Variants in HS2ST1 observed in about 807,000 individuals in gnomAD.
HS2ST1 encodes the protein 2-O-sulfotransferase.
In HS2ST1, 18 loss-of-function variants were observed where a neutral mutation model predicts 42.9. The observed-to-expected ratio is 0.42, with a 90% CI of 0.29 to 0.62. The LOEUF (loss-of-function observed/expected upper bound fraction) is 0.62, where lower values mean the gene tolerates loss of function less well. HS2ST1 is among the 20% of genes least tolerant of loss of function. The pLI is 0.21. For missense variants in HS2ST1, 334 were observed against 433.8 expected (o/e 0.77, Z 2.04); for synonymous variants, 146 against 152.9 (o/e 0.95, Z 0.33).
intron 1 of HS2ST1, among the ~76,000 whole-genome samples, chr1:86,940,986 CAAAA>C (rs1309483331): frequency 6.6e-6 from 1 of 151,414 alleles, no homozygotes; most frequent in Admixed American, 6.6e-5. Flanking sequence ...GACCCTGTCT[CAAAA>C]AAAGAAAAAA....
intron 1 of HS2ST1, among the ~76,000 whole-genome samples, chr1:87,036,888 C>T (rs2100600685): frequency 6.6e-6 from 1 of 152,234 alleles, no homozygotes; most frequent in East Asian, 1.9e-4. Flanking sequence ...GAGAGATTGT[C>T]ATCAACATGG....
chr1:86,949,703 C>T (rs940366104), intron 1 of HS2ST1, among the ~76,000 whole-genome samples: 9 of 152,226 alleles, frequency 5.9e-5, no homozygotes, highest in African/African-American at 1.9e-4. Flanking sequence ...CTCAAATAGC[C>T]ATGTGTGGCT....
At chr1:87,060,460 A>G (rs191677837) in intron 1 of HS2ST1, among the ~76,000 whole-genome samples, 19 of 152,278 alleles carry the variant, frequency 1.2e-4, no homozygotes, top group Admixed American at 9.8e-4. Context: ...CTAGAGTCAC[A>G]TTGACCTGTA....
intron 1 of HS2ST1, among the ~76,000 whole-genome samples, chr1:86,943,144 G>A (rs1023357312): frequency 2.0e-5 from 3 of 152,120 alleles, no homozygotes; most frequent in African/African-American, 7.2e-5. Flanking sequence ...TTTAAGATTA[G>A]ATTCTCCTAA....
At chr1:87,044,166 TTAAA>T (rs1196137192) in intron 1 of HS2ST1, among the ~76,000 whole-genome samples, 4 of 152,140 alleles carry the variant, frequency 2.6e-5, no homozygotes, top group Non-Finnish European at 5.9e-5. Context: ...ATAAAAATCA[TTAAA>T]TAAATAGCAG....
intron 1 of HS2ST1, among the ~76,000 whole-genome samples, chr1:87,030,173 C>T (rs551585623): frequency 6.6e-6 from 1 of 152,242 alleles, no homozygotes; most frequent in South Asian, 2.1e-4. Context: ...GACTGTTTTA[C>T]CATGTGCGTT....
chr1:86,963,905 C>G (rs1647946914), intron 1 of HS2ST1, among the ~76,000 whole-genome samples: 1 of 150,736 alleles, frequency 6.6e-6, no homozygotes, highest in Non-Finnish European at 1.5e-5. Flanking sequence ...GGGGCTGCCC[C>G]CCACCTCCCG....
At position 87,066,768 on chromosome 1, in the gene HS2ST1, C is replaced by G. The variant is rs562603727; in HGVS notation, c.125-6166C>G. Among the ~76,000 whole-genome samples, 145 of 152,102 alleles carry G rather than the reference C, an allele frequency of 9.5e-4. 1 individual carries two copies. Among genetic ancestry groups the G allele is most frequent in the African/African-American group, 3.4e-3 (141 of 41,486 alleles). ...GCCCCAGTGTGTGATGTTCCCCTAC[C>G]TGTGTCCATGTGTTCTCATTGTTCA... On this transcript the variant is annotated intron_variant, in intron 1 of 6. Transcript: ENST00000370550.
At chr1:86,970,627 C>G (rs945340089) in intron 1 of HS2ST1, among the ~76,000 whole-genome samples, 1 of 152,114 alleles carries the variant, frequency 6.6e-6, no homozygotes, top group Admixed American at 6.5e-5. Context: ...CACCTGACCT[C>G]AAGTGATCCA....
chr1:86,998,703 C>T (rs767640409), intron 1 of HS2ST1, among the ~76,000 whole-genome samples: 9 of 152,098 alleles, frequency 5.9e-5, no homozygotes, highest in Non-Finnish European at 1.3e-4. Flanking sequence ...ATTTATCTTA[C>T]TTTTGCTGTG....
Position 86,983,021 on chromosome 1 carries a change from A to G in HS2ST1, c.124+67861A>G, listed in dbSNP as rs1276083831. ...CTGAGACCACCTCAGCCTGGACCCC[A>G]TTGTCCATATCACAATCAGCCTTTT... is the stretch of plus-strand genomic sequence containing the variant. On this transcript the variant is annotated intron_variant, in intron 1 of 6. Transcript: ENST00000370550. Among the ~76,000 whole-genome samples the G allele has an allele frequency of 2.0e-5, 3 of 152,130 alleles. No individual in the cohort carries two copies. In the East Asian group the frequency reaches 5.8e-4, roughly 29 times the overall value.
chr1:86,947,299 G>A (rs1647370294), intron 1 of HS2ST1, among the ~76,000 whole-genome samples: 2 of 152,142 alleles, frequency 1.3e-5, no homozygotes, highest in South Asian at 2.1e-4. Context: ...TCTCCTAATA[G>A]GCATTATATT....
chr1:87,024,707 G>A (rs1292690638), intron 1 of HS2ST1, among the ~76,000 whole-genome samples: 1 of 152,094 alleles, frequency 6.6e-6, no homozygotes, highest in Non-Finnish European at 1.5e-5. Context: ...GTTATGTTAA[G>A]CCCTCAATAA....
chr1:86,993,225 G>GT (rs1188571769), intron 1 of HS2ST1: 1 of 1,404,834 alleles, frequency 7.1e-7, no homozygotes, highest in African/African-American at 1.4e-5. Flanking sequence ...AGTTTGTAAT[G>GT]TATGCAACCA....
At chr1:86,961,822 G>A (rs895495667) in intron 1 of HS2ST1, among the ~76,000 whole-genome samples, 3 of 151,980 alleles carry the variant, frequency 2.0e-5, no homozygotes, top group Non-Finnish European at 4.4e-5. Context: ...TCTCTATATG[G>A]ATGTGCCTGT....
chr1:87,053,654 A>C (rs942227661), intron 1 of HS2ST1, among the ~76,000 whole-genome samples: 3 of 152,176 alleles, frequency 2.0e-5, no homozygotes, highest in African/African-American at 7.2e-5. Context: ...GTCCTTCAAA[A>C]AACATTTTAA....
At chr1:87,060,206 A>ACCATCTT (rs1651083000) in intron 1 of HS2ST1, among the ~76,000 whole-genome samples, 1 of 152,290 alleles carries the variant, frequency 6.6e-6, no homozygotes, top group African/African-American at 2.4e-5. Context: ...CTGGAAGACA[A>ACCATCTT]CCATCTTCTG....
chr1:87,011,126 A>G (rs536539512), intron 1 of HS2ST1, among the ~76,000 whole-genome samples: 5 of 152,140 alleles, frequency 3.3e-5, no homozygotes, highest in Non-Finnish European at 1.5e-5. Flanking sequence ...ATGAATGAGT[A>G]GCAAATAATT....
intron 1 of HS2ST1, among the ~76,000 whole-genome samples, chr1:87,015,695 A>G (rs962719342): frequency 2.6e-5 from 4 of 152,068 alleles, no homozygotes; most frequent in African/African-American, 9.7e-5. Flanking sequence ...TGTGGAAGAA[A>G]ATGCCATAAG....
Sources: allele counts gnomAD v4.1 joint callset (sites outside exome capture counted in the v4.1 genomes callset), GRCh38; gene constraint gnomAD v4.1.1; transcripts MANE v1.5; gene names NCBI Gene and HGNC (gene_info 2026-07-23, HGNC 2026-07-21).